ARHGAP28: variants seen among roughly 807,000 people sequenced by gnomAD.
The protein encoded by ARHGAP28 is Rho GTPase activating protein 28, also known as rho GTPase-activating protein 28.
ARHGAP28 carries 56 observed loss-of-function variants against 90.7 expected under a neutral mutation model. The ratio of observed to expected loss-of-function variants is 0.62; its 90% CI spans 0.50 to 0.77. ARHGAP28 has a LOEUF of 0.77. ARHGAP28 is among the 30% of genes least tolerant of loss of function. The pLI is 0.00. For synonymous variants in ARHGAP28, 308 were observed against 323.3 expected, an observed-to-expected ratio of 0.95 and a Z score of 0.51; for missense variants, 869 against 900.9, an observed-to-expected ratio of 0.96 and a Z score of 0.45.
intron 1 of ARHGAP28, among the ~76,000 whole-genome samples, chr18:6,763,393 A>C (rs2056177432): frequency 6.6e-6 from 1 of 152,154 alleles, no homozygotes; most frequent in Admixed American, 6.5e-5. Flanking sequence ...ACAAGAGATG[A>C]TTTTATCATC....
intron 1 of ARHGAP28, among the ~76,000 whole-genome samples, chr18:6,806,602 A>G (rs2056520891): frequency 1.3e-5 from 2 of 151,972 alleles, no homozygotes; most frequent in South Asian, 4.2e-4. Context: ...CCTTTCTGCT[A>G]TTGTCATGCA....
chr18:6,810,512 C>G (rs1386686726), intron 1 of ARHGAP28, among the ~76,000 whole-genome samples: 1 of 151,778 alleles, frequency 6.6e-6, no homozygotes, highest in Non-Finnish European at 1.5e-5. Context: ...CCAGGCTGGT[C>G]TCAAACTCTG....
At chr18:6,737,163 A>T (rs1203573077) in intron 1 of ARHGAP28, among the ~76,000 whole-genome samples, 2 of 152,204 alleles carry the variant, frequency 1.3e-5, no homozygotes, top group African/African-American at 4.8e-5. Context: ...TTTGGAAATA[A>T]ATTCTATCTG....
rs72883095 is a variant in ARHGAP28 at position 6,856,693 on chromosome 18, C to T, written c.637-3115C>T. Among the ~76,000 whole-genome samples the T allele has an allele frequency of 9.3e-3, 1,410 of 152,122 alleles. 10 individuals carry two copies. Among genetic ancestry groups the T allele is most frequent in the Non-Finnish European group, 0.016 (1,065 of 67,982 alleles). ...CCCAGCTTCAGTTAATTTTAACAAACGTTATCACCCATGTAATTACAGTTA... is the reference window on the plus strand; with the variant it reads ...CCCAGCTTCAGTTAATTTTAACAAATGTTATCACCCATGTAATTACAGTTA... On this transcript the variant is annotated intron_variant, in intron 4 of 17. Coordinates refer to ENST00000383472, the MANE Select transcript of ARHGAP28 (RefSeq NM_001366230.1).
chr18:6,733,410 C>A (rs1477713901), intron 1 of ARHGAP28, among the ~76,000 whole-genome samples: 1 of 152,052 alleles, frequency 6.6e-6, no homozygotes, highest in Admixed American at 6.6e-5. Flanking sequence ...CCTTCCCACA[C>A]CCCCCGTTTC....
rs1228405704 is a variant in ARHGAP28 at position 6,896,484 on chromosome 18, A to G, written c.1906-18A>G. On this transcript the variant is annotated intron_variant, in intron 15 of 17. Transcript: ENST00000383472. ...ATCCTAGTTTGACAGACTGTACTGA[A>G]TTTCTCCTCCTTGGCAGTCTGACGT... is the stretch of plus-strand genomic sequence containing the variant. 6.2e-7 allele frequency: 1 copy of G among 1,613,564 alleles called. No individual in the cohort carries two copies. The highest frequency in any genetic ancestry group is 8.5e-7 in the Non-Finnish European group (1 of 1,179,712).
chr18:6,772,725 AT>A (rs1215021008), intron 1 of ARHGAP28, among the ~76,000 whole-genome samples: 5 of 149,960 alleles, frequency 3.3e-5, no homozygotes, highest in South Asian at 2.1e-4. Flanking sequence ...GATGGGTTTT[AT>A]TTTTTTTTAT....
At chr18:6,836,542 A>G (rs1477173314) in intron 2 of ARHGAP28, among the ~76,000 whole-genome samples, 2 of 152,230 alleles carry the variant, frequency 1.3e-5, no homozygotes, top group South Asian at 2.1e-4. Flanking sequence ...CAGCTGTCTC[A>G]TAGGAAGTCA....
chr18:6,859,756 C>T (rs1337580534), intron 4 of ARHGAP28, 52 bp from the exon 5 acceptor site: 1 of 1,545,350 alleles, frequency 6.5e-7, no homozygotes, highest in South Asian at 1.1e-5. Flanking sequence ...TACACAAACA[C>T]ATTAGAAAGT....
intron 7 of ARHGAP28, among the ~76,000 whole-genome samples, chr18:6,871,051 C>T (rs1324795736): frequency 1.3e-5 from 2 of 152,194 alleles, no homozygotes; most frequent in African/African-American, 4.8e-5. Flanking sequence ...CTGCCTGCCT[C>T]GGCCTCTCAA....
intron 1 of ARHGAP28, among the ~76,000 whole-genome samples, chr18:6,748,598 A>G (rs2056044250): frequency 6.6e-6 from 1 of 152,212 alleles, no homozygotes; most frequent in Non-Finnish European, 1.5e-5. Context: ...TGGGCATACC[A>G]GAAAATACCA....
intron 2 of ARHGAP28, among the ~76,000 whole-genome samples, chr18:6,835,815 C>A (rs929480646): frequency 3.2e-4 from 48 of 152,110 alleles, no homozygotes; most frequent in African/African-American, 1.1e-3. Context: ...CAATTGAATA[C>A]CGACTTTCTT....
intron 17 of ARHGAP28, among the ~76,000 whole-genome samples, chr18:6,910,471 C>T (rs1041081407): frequency 3.3e-5 from 5 of 152,260 alleles, no homozygotes; most frequent in Middle Eastern, 3.4e-3. Context: ...AATCACCTGA[C>T]AGGGTTGGAT....
intron 1 of ARHGAP28, among the ~76,000 whole-genome samples, chr18:6,780,489 A>G (rs2056315657): frequency 6.6e-6 from 1 of 152,152 alleles, no homozygotes. Flanking sequence ...GGACTTGAGC[A>G]TCGGTGGAAT....
intron 1 of ARHGAP28, among the ~76,000 whole-genome samples, chr18:6,747,871 C>G (rs1255817848): frequency 6.6e-6 from 1 of 152,190 alleles, no homozygotes; most frequent in African/African-American, 2.4e-5. Context: ...TTTACCTTGG[C>G]TTGTGGTTGG....
intron 1 of ARHGAP28, among the ~76,000 whole-genome samples, chr18:6,740,872 G>A (rs1324946669): frequency 6.6e-6 from 1 of 152,138 alleles, no homozygotes; most frequent in Admixed American, 6.5e-5. Context: ...TTACCAACCT[G>A]TCGATCCTGG....
chr18:6,875,385 T>C lies in ARHGAP28; in HGVS notation c.1213-746T>C, dbSNP rs147940802. Reference sequence around the variant, plus strand: ...AGAATTACCTTAGTTCCAGGTACCATCCACCATCATTTCTTGAAAGGAAAA... The same window carrying C: ...AGAATTACCTTAGTTCCAGGTACCACCCACCATCATTTCTTGAAAGGAAAA... On this transcript the variant is annotated intron_variant, in intron 9 of 17. Transcript: ENST00000383472. Among the ~76,000 whole-genome samples, 91 of 152,294 alleles carry C rather than the reference T, an allele frequency of 6.0e-4. 1 individual carries two copies. The highest frequency in any genetic ancestry group is 5.6e-3 in the East Asian group (29 of 5,176).
chr18:6,804,107 T>A, intron 1 of ARHGAP28, among the ~76,000 whole-genome samples: 1 of 152,238 alleles, frequency 6.6e-6, no homozygotes, highest in East Asian at 1.9e-4. Context: ...AAATTACAAG[T>A]TCAATTTATT....
rs1469231220 is a variant in ARHGAP28 at position 6,824,855 on chromosome 18, C to A, written c.216C>A (p.Ser72=). 2 of 1,536,410 alleles carry A rather than the reference C, an allele frequency of 1.3e-6. No individual in the cohort carries two copies. Among genetic ancestry groups the A allele is most frequent in the African/African-American group, 2.7e-5 (2 of 73,124 alleles). ...TCAGCCGTTCCAACTCAGAAGCCTC[C>A]GTAGACAGCGCCTCCATGGAGGATT... is the stretch of plus-strand genomic sequence containing the variant. ...PAFSRSNSEA[S]VDSASMEDFW... is the part of the protein sequence containing the mutation. The change falls in exon 2 of 18, where the codon TCC becomes TCA. Residue 72 remains serine (S), a synonymous_variant. Coordinates refer to ENST00000383472, the MANE Select transcript of ARHGAP28 (RefSeq NM_001366230.1).
Sources: allele counts gnomAD v4.1 joint callset (sites outside exome capture counted in the v4.1 genomes callset), GRCh38; gene constraint gnomAD v4.1.1; transcripts MANE v1.5; gene names NCBI Gene and HGNC (gene_info 2026-07-23, HGNC 2026-07-21).